RIC1: variants seen among roughly 807,000 people sequenced by gnomAD.
RIC1 encodes the protein guanine nucleotide exchange factor subunit RIC1.
Under a neutral mutation model 169.0 loss-of-function variants are expected in RIC1, and 88 were observed. That is an observed-to-expected ratio of 0.52 (90% CI 0.44 to 0.62). RIC1 has a LOEUF of 0.62. Ranked by LOEUF, RIC1 falls within the 20% of genes least tolerant of loss-of-function variation. RIC1 has a pLI of 0.00. For missense variants in RIC1, 1,877 were observed against 1,725.5 expected, an observed-to-expected ratio of 1.09 and a Z score of -1.56; for synonymous variants, 790 against 601.5, an observed-to-expected ratio of 1.31 and a Z score of -4.59.
intron 4 of RIC1, among the ~76,000 whole-genome samples, chr9:5,715,832 C>T (rs1222386919): frequency 2.8e-5 from 4 of 140,934 alleles, no homozygotes; most frequent in African/African-American, 1.0e-4. Context: ...CTACCTCTCT[C>T]CCCACTCCTC....
rs1423493609 is a variant in RIC1, at chr9:5,738,459, G to C, written c.822G>C (p.Val274=). 6.3e-7 allele frequency: 1 copy of C among 1,598,548 alleles called. No homozygotes were observed. The highest frequency in any genetic ancestry group is 8.5e-7 in the Non-Finnish European group (1 of 1,174,792). ...LMAFGCVSGS[V]QVYTIDNSTG... is the part of the protein sequence containing the mutation. ...GTTGTTGTTTTCACAGTGGTTCTGTGCAGGTCTATACAATAGATAACAGCA... is the reference window on the plus strand; with the variant it reads ...GTTGTTGTTTTCACAGTGGTTCTGTCCAGGTCTATACAATAGATAACAGCA... Residue 274 remains valine (V), a synonymous_variant, in exon 8 of 26, where the codon GTG becomes GTC. Transcript: ENST00000414202.
chr9:5,685,957 G>T (rs1821192498), intron 2 of RIC1, among the ~76,000 whole-genome samples: 1 of 151,856 alleles, frequency 6.6e-6, no homozygotes. Context: ...CCATCAAAAA[G>T]TGGGCGAAGG....
Position 5,763,781 on chromosome 9 carries a change from A to C in RIC1, c.2754A>C (p.Ala918=). The change falls in exon 19 of 26, where the codon GCA becomes GCC. Residue 918 remains alanine (A), a synonymous_variant. Coordinates refer to ENST00000414202, the MANE Select transcript of RIC1 (RefSeq NM_020829.4). The surrounding 1 kb of genome is among the most constrained non-coding windows in gnomAD (Gnocchi z 5.2). ...TEYALWNYLF[A]AVGNPKDLFE... ...ATGCCCTGTGGAATTACCTTTTTGC[A>C]GCTGTTGGAAACCCTAAGGACTTGT... 1 of 1,614,174 alleles carries C rather than the reference A, an allele frequency of 6.2e-7. No individual in the cohort carries two copies. The highest frequency in any genetic ancestry group is 8.5e-7 in the Non-Finnish European group (1 of 1,180,022).
intron 19 of RIC1, among the ~76,000 whole-genome samples, chr9:5,764,860 A>G (rs185108310): frequency 3.9e-5 from 6 of 152,342 alleles, no homozygotes; most frequent in Admixed American, 2.6e-4. Context: ...AATAATTACA[A>G]TTACAGTTGT....
chr9:5,697,673 T>C (rs1375968064), intron 3 of RIC1, among the ~76,000 whole-genome samples: 1 of 152,180 alleles, frequency 6.6e-6, no homozygotes, highest in Non-Finnish European at 1.5e-5. Flanking sequence ...TCTGAGCCTT[T>C]CCAGAATTAT....
chr9:5,647,231 T>C (rs78865571), intron 1 of RIC1, among the ~76,000 whole-genome samples: 27 of 152,342 alleles, frequency 1.8e-4, no homozygotes, highest in Non-Finnish European at 3.1e-4. Context: ...TAGTAAGTTT[T>C]GATGTCAGGA....
intron 11 of RIC1, among the ~76,000 whole-genome samples, chr9:5,746,509 T>C (rs996839813): frequency 2.0e-5 from 3 of 152,096 alleles, no homozygotes; most frequent in Non-Finnish European, 4.4e-5. Flanking sequence ...ATTGTAGGGC[T>C]CCAGAGGCTT....
Position 5,772,609 on chromosome 9 carries a change from G to T in RIC1, c.3662G>T (p.Ser1221Ile). The change falls in exon 24 of 26, where the codon AGC (serine) becomes ATC (isoleucine). Residue 1221 changes from serine (S) to isoleucine (I), a missense_variant. Physicochemically the swap from Ser to Ile is moderately radical, Grantham distance 142. Coordinates refer to ENST00000414202, the MANE Select transcript of RIC1 (RefSeq NM_020829.4). ...IGSATDLTES[S>I]SMVDGDWTMV... is the part of the protein sequence containing the mutation. ...TCAGCCACAGACTTGACTGAAAGTA[G>T]CTCCATGGTGGATGGCGACTGGACA... 6.2e-7 allele frequency: 1 copy of T among 1,613,820 alleles called. No homozygotes were observed. The highest frequency in any genetic ancestry group is 8.5e-7 in the Non-Finnish European group (1 of 1,179,858).
intron 2 of RIC1, among the ~76,000 whole-genome samples, chr9:5,662,813 G>T (rs1213228932): frequency 2.6e-5 from 4 of 151,890 alleles, no homozygotes; most frequent in Non-Finnish European, 4.4e-5. Context: ...TCGTTTGAAT[G>T]GTCTTTCATG....
At chr9:5,732,303 G>A in intron 6 of RIC1, 85 bp from the exon 7 acceptor site, 1 of 1,013,028 alleles carries the variant, frequency 9.9e-7, no homozygotes, top group Non-Finnish European at 1.5e-6. Context: ...TTATGAAATT[G>A]TATGTTTATT....
intron 12 of RIC1, among the ~76,000 whole-genome samples, chr9:5,750,266 T>C (rs992723186): frequency 2.6e-5 from 4 of 151,948 alleles, no homozygotes; most frequent in Non-Finnish European, 5.9e-5. Flanking sequence ...GCTCAGTATT[T>C]TGTATGATGT....
At chr9:5,760,336 T>G (rs1221294644) in intron 17 of RIC1, among the ~76,000 whole-genome samples, 3 of 152,210 alleles carry the variant, frequency 2.0e-5, no homozygotes, top group African/African-American at 7.2e-5. Flanking sequence ...GCTGTTGCAG[T>G]CATCTTTAAC....
At chr9:5,758,273 A>G (rs1826124919) in intron 17 of RIC1, among the ~76,000 whole-genome samples, 1 of 152,194 alleles carries the variant, frequency 6.6e-6, no homozygotes, top group Non-Finnish European at 1.5e-5. Context: ...ATAACTTTCT[A>G]TTTCAGTGGT....
chr9:5,709,285 C>G (rs1022436669), intron 3 of RIC1, among the ~76,000 whole-genome samples: 3 of 152,194 alleles, frequency 2.0e-5, no homozygotes, highest in Non-Finnish European at 4.4e-5. Flanking sequence ...GTTCCCTTCC[C>G]TACTCCATCC....
chr9:5,768,862 C>T (rs1826988857), intron 21 of RIC1, 108 bp from the exon 22 acceptor site: 1 of 1,193,786 alleles, frequency 8.4e-7, no homozygotes, highest in South Asian at 1.5e-5. Context: ...AGAATTAGAT[C>T]TTGGATCTCT....
In RIC1 at chr9:5,753,232, T is replaced by C. The variant is rs758547848; in HGVS notation, c.1485T>C (p.Pro495=). The part of the protein sequence containing the change: ...ISSTYLESNW[P]IRFSAIDKLG... ...GCACCTATCTAGAGAGCAATTGGCC[T>C]ATACGGGTGAGTTGTTATTTTGTTG... The change falls in exon 13 of 26, where the codon CCT becomes CCC. Residue 495 remains proline, a synonymous_variant. Transcript: ENST00000414202. 6 of 1,613,400 alleles carry C rather than the reference T, an allele frequency of 3.7e-6. No homozygotes were observed. The African/African-American group carries it at 6.7e-5, about 18-fold the overall frequency.
intron 2 of RIC1, among the ~76,000 whole-genome samples, chr9:5,685,047 A>G (rs533848329): frequency 2.1e-4 from 32 of 152,128 alleles, no homozygotes; most frequent in African/African-American, 7.0e-4. Flanking sequence ...ATAAGGTTGA[A>G]TTTAATTTGC....
At chr9:5,719,488 C>G (rs10815273) in intron 4 of RIC1, 66,521 of 152,060 alleles carry the variant, frequency 0.44, 15,767 homozygotes, top group East Asian at 0.87. Context: ...ATCCAGCACA[C>G]AGTATAGCAC....
chr9:5,739,899 A>G (rs935752048), intron 8 of RIC1, among the ~76,000 whole-genome samples: 5 of 152,238 alleles, frequency 3.3e-5, no homozygotes, highest in Non-Finnish European at 2.9e-5. Flanking sequence ...AACAGTAGAC[A>G]CCTGGTGAGG....
Sources: gnomAD v4.1 joint callset for allele counts (sites outside exome capture counted in the v4.1 genomes callset) on GRCh38, gnomAD v4.1.1 for gene constraint, Gnocchi (gnomAD v3.1) non-coding constraint, MANE v1.5 for transcripts, NCBI Gene and HGNC (gene_info 2026-07-23, HGNC 2026-07-21) for gene names.